The following SLC24A3 variants were observed in gnomAD, a reference collection of about 807,000 sequenced individuals.
The protein encoded by SLC24A3 is solute carrier family 24 member 3, also known as sodium/potassium/calcium exchanger 3.
Under a neutral mutation model 75.8 loss-of-function variants are expected in SLC24A3, and 28 were observed. The ratio of observed to expected loss-of-function variants is 0.37; its 90% CI spans 0.27 to 0.51. The LOEUF (loss-of-function observed/expected upper bound fraction) is 0.51, where lower values mean the gene tolerates loss of function less well. Among genes scored for constraint, SLC24A3 ranks in the 20% least tolerant of loss-of-function variants. The pLI, the probability that SLC24A3 is intolerant of heterozygous loss-of-function variation, is 0.94. For synonymous variants in SLC24A3, 372 were observed against 334.1 expected (o/e 1.11, Z -1.24); for missense variants, 663 against 847.8 (o/e 0.78, Z 2.71).
At chr20:19,557,898 C>T (rs367943677) in intron 3 of SLC24A3, among the ~76,000 whole-genome samples, 2 of 152,134 alleles carry the variant, frequency 1.3e-5, no homozygotes, top group African/African-American at 4.8e-5. Context: ...TGAAATTTTC[C>T]ATAGTTGTTA....
chr20:19,608,859 C>T (rs2031633242), intron 6 of SLC24A3, among the ~76,000 whole-genome samples: 1 of 152,184 alleles, frequency 6.6e-6, no homozygotes, highest in Admixed American at 6.5e-5. Flanking sequence ...AATAGCATCT[C>T]TCCCCATTCA....
At chr20:19,408,472 C>A (rs1986689794) in intron 2 of SLC24A3, among the ~76,000 whole-genome samples, 1 of 151,838 alleles carries the variant, frequency 6.6e-6, no homozygotes, top group Non-Finnish European at 1.5e-5. Flanking sequence ...TTACTGCAGC[C>A]TCCACCTCCC....
intron 3 of SLC24A3, among the ~76,000 whole-genome samples, chr20:19,523,232 G>T (rs544105562): frequency 3.3e-5 from 5 of 152,300 alleles, no homozygotes; most frequent in Non-Finnish European, 5.9e-5. Context: ...AACCAGGGGG[G>T]TTTGAAATTT....
intron 1 of SLC24A3, among the ~76,000 whole-genome samples, chr20:19,273,684 C>T (rs138729666): frequency 0.011 from 1,603 of 152,140 alleles, 13 homozygotes; most frequent in Non-Finnish European, 0.015. Context: ...CAATGCTGCT[C>T]CTCCTCTGAC....
At chr20:19,214,629 A>G (rs899156133) in intron 1 of SLC24A3, among the ~76,000 whole-genome samples, 1 of 152,102 alleles carries the variant, frequency 6.6e-6, no homozygotes, top group African/African-American at 2.4e-5. Context: ...AGTTAAGTCA[A>G]TCAGTGACAG....
chr20:19,511,578 C>T lies in SLC24A3; in HGVS notation c.272-3910C>T, dbSNP rs879138769. Among the ~76,000 whole-genome samples, 10 of 152,290 alleles carry T rather than the reference C, an allele frequency of 6.6e-5. 1 individual carries two copies. The highest frequency in any genetic ancestry group is 2.6e-4 in the Admixed American group (4 of 15,304). ...TCCTGACCTTGTGATCCGCCCACAT[C>T]GGCCTCCCAAAGTGCTGGGATTACA... On this transcript the variant is annotated intron_variant, in intron 2 of 16. Coordinates refer to ENST00000328041, the MANE Select transcript of SLC24A3 (RefSeq NM_020689.4).
intron 2 of SLC24A3, among the ~76,000 whole-genome samples, chr20:19,404,299 A>T (rs190668311): frequency 9.3e-4 from 142 of 152,324 alleles, no homozygotes; most frequent in African/African-American, 3.3e-3. Context: ...TAGACAATGA[A>T]ATATGGGCTG....
chr20:19,361,568 G>A (rs1380314126), intron 2 of SLC24A3, among the ~76,000 whole-genome samples: 1 of 152,146 alleles, frequency 6.6e-6, no homozygotes, highest in African/African-American at 2.4e-5. Context: ...GGGTTACACA[G>A]GTGCATTCCT....
At chr20:19,405,315 T>A (rs2038910) in intron 2 of SLC24A3, among the ~76,000 whole-genome samples, 22,008 of 152,070 alleles carry the variant, frequency 0.14, 2,459 homozygotes, top group East Asian at 0.32. Context: ...TTCCAGCAGC[T>A]CTTTGAGAAA....
At chr20:19,680,180 C>G in intron 9 of SLC24A3, among the ~76,000 whole-genome samples, 1 of 118,826 alleles carries the variant, frequency 8.4e-6, no homozygotes. Context: ...CTCTGTGTGT[C>G]TGTATGTGCA....
chr20:19,491,331 G>T (rs1308459223), intron 2 of SLC24A3, among the ~76,000 whole-genome samples: 1 of 152,184 alleles, frequency 6.6e-6, no homozygotes, highest in Non-Finnish European at 1.5e-5. Context: ...TACCTGTCTA[G>T]TCTGTAACTA....
chr20:19,362,507 G>T (rs952547200), intron 2 of SLC24A3, among the ~76,000 whole-genome samples: 2 of 152,258 alleles, frequency 1.3e-5, no homozygotes, highest in Non-Finnish European at 2.9e-5. Context: ...TAAAGGGCCT[G>T]ATCGGCCATA....
In SLC24A3 at chr20:19,424,250, A is replaced by G. The variant is rs79230513; in HGVS notation, c.272-91238A>G. ...CATTTTGAAACGTACAAATCTACAGAAAAGTTTCAAGAATAGTACCATAAA... is the reference window on the plus strand; with the variant it reads ...CATTTTGAAACGTACAAATCTACAGGAAAGTTTCAAGAATAGTACCATAAA... On this transcript the variant is annotated intron_variant, in intron 2 of 16. Coordinates refer to ENST00000328041, the MANE Select transcript of SLC24A3 (RefSeq NM_020689.4). 1.3e-5 allele frequency among the ~76,000 whole-genome samples: 2 copies of G among 152,214 alleles called. 1 individual carries two copies. Among genetic ancestry groups the G allele is most frequent in the Admixed American group, 1.3e-4 (2 of 15,280 alleles).
chr20:19,681,802 A>G, intron 9 of SLC24A3, 56 bp from the exon 10 acceptor site: 1 of 1,611,460 alleles, frequency 6.2e-7, no homozygotes, highest in Non-Finnish European at 8.5e-7. Context: ...GTGGGAGTTG[A>G]GAAATGGGAG....
chr20:19,600,281 G>C (rs985454504), intron 6 of SLC24A3, among the ~76,000 whole-genome samples: 1 of 152,130 alleles, frequency 6.6e-6, no homozygotes, highest in African/African-American at 2.4e-5. Flanking sequence ...ATTCTGCCCA[G>C]CGGTTAAGTC....
chr20:19,692,704 CAGTT>C (rs2032757706), intron 12 of SLC24A3, among the ~76,000 whole-genome samples: 3 of 152,120 alleles, frequency 2.0e-5, no homozygotes, highest in Admixed American at 1.3e-4. Context: ...GGTGAATTAG[CAGTT>C]AATCAGGTTA....
chr20:19,259,339 G>A (rs562439487), intron 1 of SLC24A3, among the ~76,000 whole-genome samples: 15 of 151,952 alleles, frequency 9.9e-5, no homozygotes, highest in South Asian at 4.1e-4. Context: ...GGCTGCTTCC[G>A]TCCGCCTGAC....
At chr20:19,460,275 G>T (rs1384474624) in intron 2 of SLC24A3, among the ~76,000 whole-genome samples, 1 of 152,138 alleles carries the variant, frequency 6.6e-6, no homozygotes, top group Non-Finnish European at 1.5e-5. Context: ...CCAGGGATTT[G>T]AAGTCTGTTG....
intron 3 of SLC24A3, among the ~76,000 whole-genome samples, chr20:19,545,466 C>CT (rs199545806): frequency 0.011 from 1,701 of 152,288 alleles, 14 homozygotes; most frequent in Middle Eastern, 0.034. Flanking sequence ...TAAATGGCTG[C>CT]TTTTTTTCGG....
Sources: gnomAD v4.1 joint callset for allele counts (sites outside exome capture counted in the v4.1 genomes callset) on GRCh38, gnomAD v4.1.1 for gene constraint, MANE v1.5 for transcripts, NCBI Gene and HGNC (gene_info 2026-07-23, HGNC 2026-07-21) for gene names.